Variants in PDE4D observed in about 807,000 individuals in gnomAD.
PDE4D encodes the protein phosphodiesterase 4D, also known as 3',5'-cyclic-AMP phosphodiesterase 4D.
A neutral mutation model predicts 87.4 loss-of-function variants in PDE4D; 24 were observed. The ratio of observed to expected loss-of-function variants is 0.27; its 90% CI spans 0.20 to 0.39. PDE4D has a LOEUF of 0.39. Among genes scored for constraint, PDE4D ranks in the 10% least tolerant of loss-of-function variants. The probability of loss-of-function intolerance (pLI) is 1.00; values close to 1 mark genes in which losing one functional copy is unlikely to be tolerated. For synonymous variants in PDE4D, 384 were observed against 383.2 expected, an observed-to-expected ratio of 1.00 and a Z score of -0.02; for missense variants, 714 against 1,041.0, an observed-to-expected ratio of 0.69 and a Z score of 4.32.
At chr5:59,666,848 C>T (rs1279397929) in intron 1 of PDE4D, among the ~76,000 whole-genome samples, 2 of 152,194 alleles carry the variant, frequency 1.3e-5, no homozygotes, top group East Asian at 1.9e-4. Flanking sequence ...CAGATGCTGT[C>T]GGCCAGCCTT....
intron 1 of PDE4D, among the ~76,000 whole-genome samples, chr5:59,835,731 T>TA (rs1741920206): frequency 1.3e-5 from 2 of 152,062 alleles, no homozygotes; most frequent in Admixed American, 6.6e-5. Context: ...GCTTATCACT[T>TA]ACAGAAAGGC....
intron 1 of PDE4D, among the ~76,000 whole-genome samples, chr5:60,222,256 A>G (rs1253251535): frequency 1.3e-5 from 2 of 152,004 alleles, no homozygotes; most frequent in African/African-American, 4.8e-5. Flanking sequence ...TCTCTGGCCA[A>G]CTGTCATCCT....
At chr5:60,314,447 G>C (rs928805940) in intron 1 of PDE4D, among the ~76,000 whole-genome samples, 1 of 152,034 alleles carries the variant, frequency 6.6e-6, no homozygotes, top group Non-Finnish European at 1.5e-5. Context: ...GATTACAGGA[G>C]TGAGCCACTG....
At chr5:59,279,446 G>A (rs1462745645) in intron 1 of PDE4D, among the ~76,000 whole-genome samples, 1 of 152,064 alleles carries the variant, frequency 6.6e-6, no homozygotes, top group Non-Finnish European at 1.5e-5. Context: ...TAGGAATACA[G>A]TTGGATTCAA....
chr5:59,589,753 C>T (rs36081664), intron 1 of PDE4D, among the ~76,000 whole-genome samples: 11,565 of 152,002 alleles, frequency 0.076, 602 homozygotes, highest in Admixed American at 0.14. Context: ...TTTCCATTTG[C>T]GGGCAATGAT....
rs187893293 is a variant in PDE4D, at chr5:59,486,784, C to T, written c.456-270816G>A. Among the ~76,000 whole-genome samples the T allele has an allele frequency of 1.1e-3, 161 of 152,104 alleles. 3 individuals carry two copies. Among genetic ancestry groups the T allele is most frequent in the Admixed American group, 1.4e-3 (22 of 15,280 alleles). Reference sequence around the variant, plus strand: ...TACATAGGAGACATGGCCTATGGAGCGTTAATGCATTAAATATACAATGCC... The same window carrying T: ...TACATAGGAGACATGGCCTATGGAGTGTTAATGCATTAAATATACAATGCC... On this transcript the variant is annotated intron_variant, in intron 1 of 14. Transcript: ENST00000340635.
intron 11 of PDE4D, among the ~76,000 whole-genome samples, chr5:58,980,000 A>G (rs1010598541): frequency 1.3e-5 from 2 of 152,212 alleles, no homozygotes; most frequent in African/African-American, 4.8e-5. Context: ...AAGGCACAAC[A>G]TTTAGAGGAT....
intron 1 of PDE4D, among the ~76,000 whole-genome samples, chr5:59,621,308 G>A (rs887777333): frequency 6.6e-6 from 1 of 152,152 alleles, no homozygotes; most frequent in Non-Finnish European, 1.5e-5. Context: ...CACAAAAAAA[G>A]CTAAAAATTA....
At chr5:59,043,299 A>G (rs528677911) in intron 5 of PDE4D, among the ~76,000 whole-genome samples, 1 of 152,308 alleles carries the variant, frequency 6.6e-6, no homozygotes, top group Admixed American at 6.5e-5. Flanking sequence ...CAAGGCGGGC[A>G]GATCATGAAG....
rs539275928 is a variant in PDE4D, at chr5:59,146,523, G to C, written c.808+34072C>G. On this transcript the variant is annotated intron_variant, in intron 5 of 14. Transcript: ENST00000340635. ...AGCCACTGAAGAGAGCCAGTTGAAA[G>C]TTAGCAAATGAGTTAGTTGTTTCAT... Among the ~76,000 whole-genome samples, 9 of 151,888 alleles carry C rather than the reference G, an allele frequency of 5.9e-5. No homozygotes were observed. The South Asian group carries it at 1.5e-3, about 25-fold the overall frequency.
At chr5:59,769,561 G>T (rs1763235858) in intron 1 of PDE4D, among the ~76,000 whole-genome samples, 1 of 152,068 alleles carries the variant, frequency 6.6e-6, no homozygotes, top group South Asian at 2.1e-4. Flanking sequence ...CTTATTCAGA[G>T]AGCTTAAAAG....
intron 2 of PDE4D, among the ~76,000 whole-genome samples, chr5:60,088,750 A>G (rs1332041204): frequency 6.6e-6 from 1 of 152,010 alleles, no homozygotes; most frequent in African/African-American, 2.4e-5. Flanking sequence ...AGAGAAAAAG[A>G]AAGAAATGAT....
chr5:59,623,704 C>A (rs143165154), intron 1 of PDE4D, among the ~76,000 whole-genome samples: 1 of 151,960 alleles, frequency 6.6e-6, no homozygotes, highest in Non-Finnish European at 1.5e-5. Flanking sequence ...GACTGTTGAG[C>A]GTTACTAGAA....
At position 60,485,985 on chromosome 5, in the gene PDE4D, C is replaced by A. The variant is rs139021153; in HGVS notation, c.-90+1957G>T. On this transcript the variant is annotated intron_variant, in intron 1 of 16. Coordinates refer to the PDE4D transcript ENST00000502484. ...AGCTGATTAATGTTTGATAATTAAG[C>A]ATTTTTATGTGATTCATCTCAATAA... Among the ~76,000 whole-genome samples the A allele has an allele frequency of 9.2e-5, 14 of 152,262 alleles. No homozygotes were observed. The East Asian group carries it at 2.5e-3, about 27-fold the overall frequency.
intron 1 of PDE4D, among the ~76,000 whole-genome samples, chr5:60,465,019 G>A (rs976923221): frequency 2.0e-5 from 3 of 151,884 alleles, no homozygotes; most frequent in African/African-American, 2.4e-5. Context: ...TGAGGCGGGA[G>A]GATTGTTTGA....
At chr5:60,077,283 G>T (rs1268766276) in intron 2 of PDE4D, among the ~76,000 whole-genome samples, 2 of 152,182 alleles carry the variant, frequency 1.3e-5, no homozygotes, top group African/African-American at 2.4e-5. Flanking sequence ...TCCTGGTGGG[G>T]TAAGGAAGGC....
At chr5:60,236,852 C>A (rs1242497161) in intron 1 of PDE4D, among the ~76,000 whole-genome samples, 3 of 152,064 alleles carry the variant, frequency 2.0e-5, no homozygotes, top group East Asian at 1.9e-4. Context: ...CCCTTACAAC[C>A]TGCAGAAAGG....
At chr5:60,235,573 C>T (rs1410318897) in intron 1 of PDE4D, among the ~76,000 whole-genome samples, 4 of 151,694 alleles carry the variant, frequency 2.6e-5, no homozygotes, top group Non-Finnish European at 5.9e-5. Flanking sequence ...CAATGAGAAG[C>T]ATCACATACT....
intron 6 of PDE4D, among the ~76,000 whole-genome samples, chr5:59,037,852 A>G (rs1758815978): frequency 6.6e-6 from 1 of 151,820 alleles, no homozygotes; most frequent in East Asian, 1.9e-4. Flanking sequence ...AAAAAGCATC[A>G]CTCATTTAAA....
Sources: allele counts gnomAD v4.1 joint callset (sites outside exome capture counted in the v4.1 genomes callset), GRCh38; gene constraint gnomAD v4.1.1; transcripts MANE v1.5; gene names NCBI Gene and HGNC (gene_info 2026-07-23, HGNC 2026-07-21).